The following TUBGCP5 variants were observed in gnomAD, a reference collection of about 807,000 sequenced individuals.
TUBGCP5 encodes gamma-tubulin complex component 5.
A neutral mutation model predicts 134.7 loss-of-function variants in TUBGCP5; 98 were observed. The ratio of observed to expected loss-of-function variants is 0.73; its 90% CI spans 0.62 to 0.86. The LOEUF (loss-of-function observed/expected upper bound fraction) is 0.86. TUBGCP5 is among the 40% of genes least tolerant of loss of function. TUBGCP5 has a pLI of 0.00. For synonymous variants in TUBGCP5, 456 were observed against 431.4 expected, an observed-to-expected ratio of 1.06 and a Z score of -0.71; for missense variants, 1,150 against 1,244.8, an observed-to-expected ratio of 0.92 and a Z score of 1.15.
chr15:23,031,337 CAG>C (rs1266741799), intron 5 of TUBGCP5, among the ~76,000 whole-genome samples: 5 of 149,860 alleles, frequency 3.3e-5, no homozygotes, highest in South Asian at 4.2e-4. Context: ...TTTTTTGAGA[CAG>C]AGTCTCTCGC....
chr15:23,014,127 T>C (rs1286470286), intron 13 of TUBGCP5, among the ~76,000 whole-genome samples: 1 of 152,200 alleles, frequency 6.6e-6, no homozygotes, highest in African/African-American at 2.4e-5. Context: ...AACAGACCCC[T>C]GAGCTTCCTA....
At chr15:23,019,520 G>A (rs569767808) in intron 11 of TUBGCP5, 186 bp from the exon 12 acceptor site, 18 of 573,734 alleles carry the variant, frequency 3.1e-5, no homozygotes, top group Admixed American at 8.9e-5. Flanking sequence ...CCTAAATGCC[G>A]GGCGTGGTGG....
rs934405658 is a variant in TUBGCP5 at position 22,989,469 on chromosome 15, C to T, written c.*62-5858G>A. On this transcript the variant is annotated intron_variant and NMD_transcript_variant, in intron 23 of 23. Transcript: ENST00000614508. ...GACACAATAAAAAGACCACCACAAC[C>T]CACCCCCTGTTAACTTGGCACCCAT... 9.2e-5 allele frequency among the ~76,000 whole-genome samples: 11 copies of T among 119,188 alleles called. 1 individual carries two copies. The highest frequency in any genetic ancestry group is 8.0e-4 in the Admixed American group (10 of 12,568). 78.2% of individuals were successfully genotyped at this position (119,188 alleles called of 152,430 possible).
chr15:23,000,399 C>T (rs758479878), intron 22 of TUBGCP5, 170 bp downstream of exon 22: 12 of 1,396,230 alleles, frequency 8.6e-6, no homozygotes, highest in Admixed American at 3.2e-5. Context: ...CTCACCTCAC[C>T]GTAATGCTTA....
intron 12 of TUBGCP5, 55 bp downstream of exon 12, chr15:23,019,164 G>T: frequency 1.6e-6 from 2 of 1,251,520 alleles, no homozygotes; most frequent in Non-Finnish European, 1.2e-6. Context: ...GATTTTCATG[G>T]GGAGGAAACT....
At chr15:23,036,267 T>A (rs925848122) in intron 3 of TUBGCP5, among the ~76,000 whole-genome samples, 2 of 151,444 alleles carry the variant, frequency 1.3e-5, no homozygotes, top group African/African-American at 4.9e-5. Context: ...CTGGGGGGAG[T>A]GGAGGGTAAT....
At chr15:23,026,031 G>T in intron 8 of TUBGCP5, 85 bp downstream of exon 8, 4 of 1,081,194 alleles carry the variant, frequency 3.7e-6, no homozygotes, top group Non-Finnish European at 4.0e-6. Flanking sequence ...ATGTGAAAAT[G>T]CTTGAAAAGT....
chr15:22,993,531 T>TTC (rs2063928692), intron 23 of TUBGCP5, among the ~76,000 whole-genome samples: 2 of 88,116 alleles, frequency 2.3e-5, no homozygotes, highest in African/African-American at 9.8e-5. Context: ...CGAAGTTTTT[T>TTC]TTTTTTTTTT....
downstream of TUBGCP5, among the ~76,000 whole-genome samples, chr15:22,996,131 A>G (rs185198919): frequency 3.9e-5 from 6 of 152,342 alleles, 1 homozygote; most frequent in South Asian, 1.2e-3. Context: ...CCTAAGGGTG[A>G]ACTGCTGCTT....
chr15:23,039,359 G>A (rs1313853898), intron 1 of TUBGCP5, 39 bp downstream of exon 1: 28 of 1,366,304 alleles, frequency 2.0e-5, no homozygotes, highest in Non-Finnish European at 2.6e-5. Context: ...CGGGCTCCGG[G>A]CTGTGGCCGG....
intron 22 of TUBGCP5, chr15:23,000,224 A>T (rs2064291335): frequency 2.6e-6 from 3 of 1,169,474 alleles, no homozygotes; most frequent in Non-Finnish European, 3.2e-6. Flanking sequence ...TTAAATTCCT[A>T]AAAAAATTTT....
Position 23,016,969 on chromosome 15 carries a change from G to GATAGATATATATATATATATATATATAT in TUBGCP5, c.1756+803_1756+804insATATATATATATATATATATATATCTAT, listed in dbSNP as rs1555439438. Among the ~76,000 whole-genome samples, 6 of 109,396 alleles carry GATAGATATATATATATATATATATATAT rather than the reference G, an allele frequency of 5.5e-5. 1 individual carries two copies. Among genetic ancestry groups the GATAGATATATATATATATATATATATAT allele is most frequent in the East Asian group, 6.1e-4 (2 of 3,254 alleles). The allele number at this position is 109,396 out of a possible 152,430, so 71.8% of individuals were successfully genotyped here. On this transcript the variant is annotated intron_variant, in intron 13 of 22. Coordinates refer to ENST00000615383, the MANE Select transcript of TUBGCP5 (RefSeq NM_052903.6). ...AGATGAATGGGTAAAAAAATTGTGA[G>GATAGATATATATATATATATATATATAT]ATATATATATATATATATGTATATA...
intron 13 of TUBGCP5, among the ~76,000 whole-genome samples, chr15:23,011,802 T>A (rs2140470717): frequency 6.8e-6 from 1 of 146,000 alleles, no homozygotes; most frequent in Admixed American, 6.8e-5. Flanking sequence ...TGAGCCACTG[T>A]GCCTGGCCCA....
chr15:23,003,893 T>G (rs979760448), intron 20 of TUBGCP5, among the ~76,000 whole-genome samples: 5 of 152,126 alleles, frequency 3.3e-5, no homozygotes, highest in Admixed American at 1.3e-4. Context: ...CCTCATAAGA[T>G]CTGCCTGCCT....
Position 23,013,458 on chromosome 15 carries a change from T to C in TUBGCP5, c.1757-2127A>G, listed in dbSNP as rs1279928196. ...AAGACTCCGTCTCAAAAAAAAAAGATCCGACTGGAGTTGAAGGGCGAGTGC... is the reference window on the plus strand; with the variant it reads ...AAGACTCCGTCTCAAAAAAAAAAGACCCGACTGGAGTTGAAGGGCGAGTGC... On this transcript the variant is annotated intron_variant, in intron 13 of 22. Transcript: ENST00000615383. This position sits in a 1 kb window ranked among gnomAD's most constrained non-coding sequence, Gnocchi z 4.5. Among the ~76,000 whole-genome samples, 1 of 151,480 alleles carries C rather than the reference T, an allele frequency of 6.6e-6. No homozygotes were observed. Among genetic ancestry groups the C allele is most frequent in the African/African-American group, 2.4e-5 (1 of 41,272 alleles).
rs2066329901 is a variant in TUBGCP5 at position 23,031,830 on chromosome 15, A to G, written c.486+120T>C. On this transcript the variant is annotated intron_variant, in intron 5 of 22. Coordinates refer to ENST00000615383, the MANE Select transcript of TUBGCP5 (RefSeq NM_052903.6). ...TCAGTCTTCCATAATAAATGACTCT[A>G]GCTTAGTGAAGAGTGTTCCTGTTTT... 5 of 618,216 alleles carry G rather than the reference A, an allele frequency of 8.1e-6. No individual in the cohort carries two copies. In the South Asian group the frequency reaches 8.7e-5, roughly 11 times the overall value. 38.3% of individuals were successfully genotyped at this position (618,216 alleles called of 1,614,324 possible).
At chr15:23,018,214 T>A (rs1392033972) in intron 12 of TUBGCP5, among the ~76,000 whole-genome samples, 173 bp from the exon 13 acceptor site, 1 of 152,180 alleles carries the variant, frequency 6.6e-6, no homozygotes, top group Non-Finnish European at 1.5e-5. Context: ...AAGAGAAAAG[T>A]GAATAAATAC....
intron 1 of TUBGCP5, among the ~76,000 whole-genome samples, chr15:23,037,904 A>C (rs2066685796): frequency 6.6e-6 from 1 of 152,170 alleles, no homozygotes; most frequent in African/African-American, 2.4e-5. Flanking sequence ...AGCTGGGACT[A>C]CAGGCGCCTG....
rs1459830458 is a variant in TUBGCP5 at position 23,011,115 on chromosome 15, C to T, written c.1955+18G>A. ...TGATGCCATTTCAATTACTGATAAC[C>T]TTGCAGGTGTGTCTCACCTTGCAAA... On this transcript the variant is annotated intron_variant, in intron 14 of 22. Transcript: ENST00000615383. 1.2e-6 allele frequency: 2 copies of T among 1,610,136 alleles called. No individual in the cohort carries two copies. The highest frequency in any genetic ancestry group is 1.7e-6 in the Non-Finnish European group (2 of 1,177,170).
Sources: gnomAD v4.1 joint callset for allele counts (sites outside exome capture counted in the v4.1 genomes callset) on GRCh38, gnomAD v4.1.1 for gene constraint, Gnocchi (gnomAD v3.1) non-coding constraint, MANE v1.5 for transcripts, NCBI Gene and HGNC (gene_info 2026-07-23, HGNC 2026-07-21) for gene names.